LRRC1: variants seen among roughly 807,000 people sequenced by gnomAD.
LRRC1 encodes leucine-rich repeat-containing protein 1.
Under a neutral mutation model 69.9 loss-of-function variants are expected in LRRC1, and 28 were observed. That is an observed-to-expected ratio of 0.40 (90% CI 0.30 to 0.55). LRRC1 has a LOEUF of 0.55. Ranked by LOEUF, LRRC1 falls within the 20% of genes least tolerant of loss-of-function variation. The pLI, the probability that LRRC1 is intolerant of heterozygous loss-of-function variation, is 0.47. For synonymous variants in LRRC1, 236 were observed against 240.2 expected, an observed-to-expected ratio of 0.98 and a Z score of 0.16; for missense variants, 498 against 609.0, an observed-to-expected ratio of 0.82 and a Z score of 1.92.
intron 12 of LRRC1, among the ~76,000 whole-genome samples, chr6:53,919,998 T>A (rs916755584): frequency 2.0e-5 from 3 of 152,260 alleles, no homozygotes; most frequent in Non-Finnish European, 4.4e-5. Context: ...GGATTAGTAT[T>A]AACACCACTG....
At chr6:53,870,869 A>G (rs908538151) in intron 2 of LRRC1, among the ~76,000 whole-genome samples, 2 of 152,200 alleles carry the variant, frequency 1.3e-5, no homozygotes, top group Non-Finnish European at 2.9e-5. Flanking sequence ...TAGGTTACAC[A>G]TATGAGTGAG....
intron 10 of LRRC1, among the ~76,000 whole-genome samples, chr6:53,910,334 T>C (rs1174178655): frequency 6.6e-6 from 1 of 152,208 alleles, no homozygotes; most frequent in Non-Finnish European, 1.5e-5. Flanking sequence ...AACTTCTAAG[T>C]GATACATTTT....
At chr6:53,851,173 GACACACACACACACAC>G (rs3222575) in intron 2 of LRRC1, among the ~76,000 whole-genome samples, 2 of 144,700 alleles carry the variant, frequency 1.4e-5, no homozygotes, top group African/African-American at 5.1e-5. Flanking sequence ...GAACTAATAG[GACACACACACACACAC>G]ACACACACAC....
At chr6:53,921,333 C>T in intron 13 of LRRC1, among the ~76,000 whole-genome samples, 1 of 152,122 alleles carries the variant, frequency 6.6e-6, no homozygotes. Flanking sequence ...GTTTCCCCTC[C>T]CACTCCCACT....
chr6:53,868,698 G>A (rs1275475726), intron 2 of LRRC1, among the ~76,000 whole-genome samples: 1 of 152,156 alleles, frequency 6.6e-6, no homozygotes, highest in Non-Finnish European at 1.5e-5. Flanking sequence ...GGAACTCCTT[G>A]TCTAGCAGAT....
intron 1 of LRRC1, among the ~76,000 whole-genome samples, chr6:53,837,094 G>A (rs1159468582): frequency 6.6e-6 from 1 of 151,972 alleles, no homozygotes; most frequent in African/African-American, 2.4e-5. Flanking sequence ...TTGTAATAAT[G>A]TATAATACCT....
chr6:53,867,743 C>A (rs967797066), intron 2 of LRRC1, among the ~76,000 whole-genome samples: 1 of 151,826 alleles, frequency 6.6e-6, no homozygotes, highest in Non-Finnish European at 1.5e-5. Context: ...TTGCTTGAGC[C>A]CAGGAGTTTG....
Position 53,797,344 on chromosome 6 carries a change from G to A in LRRC1, c.159+1929G>A, listed in dbSNP as rs184998428. 3.1e-3 allele frequency among the ~76,000 whole-genome samples: 466 copies of A among 152,220 alleles called. 5 individuals are homozygous for A. Among genetic ancestry groups the A allele is most frequent in the African/African-American group, 0.011 (440 of 41,546 alleles). On this transcript the variant is annotated intron_variant, in intron 1 of 13. Transcript: ENST00000370888. ...TAACAGCTGTTAAATTAGTATTAAA[G>A]TTTTTAGGTTGTGTAAAATCTACTT...
At chr6:53,892,009 TATACACACAC>T (rs1767717060) in intron 4 of LRRC1, among the ~76,000 whole-genome samples, 1 of 74,644 alleles carries the variant, frequency 1.3e-5, no homozygotes, top group Admixed American at 1.7e-4. Flanking sequence ...AATATATATA[TATACACACAC>T]ACACACACAC....
chr6:53,901,831 A>G (rs969928047), intron 8 of LRRC1, among the ~76,000 whole-genome samples: 5 of 152,232 alleles, frequency 3.3e-5, no homozygotes, highest in South Asian at 2.1e-4. Flanking sequence ...TCCTTCTCCT[A>G]TCTTGCCCTG....
chr6:53,799,437 G>A, intron 1 of LRRC1, among the ~76,000 whole-genome samples: 1 of 152,196 alleles, frequency 6.6e-6, no homozygotes, highest in East Asian at 1.9e-4. Context: ...GGGTAGATGG[G>A]CCCTGTTTCT....
At chr6:53,802,973 C>G (rs1764529580) in intron 1 of LRRC1, among the ~76,000 whole-genome samples, 1 of 152,114 alleles carries the variant, frequency 6.6e-6, no homozygotes, top group Non-Finnish European at 1.5e-5. Context: ...TATGGTAAAA[C>G]AGCAAAATGA....
intron 1 of LRRC1, among the ~76,000 whole-genome samples, chr6:53,814,822 C>A (rs1302726386): frequency 6.6e-6 from 1 of 151,916 alleles, no homozygotes; most frequent in African/African-American, 2.4e-5. Flanking sequence ...CTTTCTGGGC[C>A]CTTTGAGCTC....
intron 11 of LRRC1, chr6:53,918,959 G>A (rs1768652364): frequency 6.6e-6 from 1 of 152,210 alleles, no homozygotes; most frequent in African/African-American, 2.4e-5. Flanking sequence ...GAAAGCAAAT[G>A]GAGTCCATCC....
intron 1 of LRRC1, among the ~76,000 whole-genome samples, chr6:53,797,235 A>G (rs573260955): frequency 6.6e-6 from 1 of 152,264 alleles, no homozygotes; most frequent in South Asian, 2.1e-4. Context: ...CTCAAAATAT[A>G]GTCTGATGGC....
At chr6:53,800,323 C>T (rs147142265) in intron 1 of LRRC1, among the ~76,000 whole-genome samples, 224 of 143,580 alleles carry the variant, frequency 1.6e-3, no homozygotes, top group African/African-American at 5.5e-3. Context: ...GCGATCTCAG[C>T]TCACTGCAAC....
intron 1 of LRRC1, among the ~76,000 whole-genome samples, chr6:53,806,528 G>A (rs1021171386): frequency 6.6e-5 from 10 of 152,108 alleles, no homozygotes; most frequent in South Asian, 2.1e-4. Flanking sequence ...GACCTTGGGC[G>A]GATCACATAC....
chr6:53,915,490 AG>A (rs1421194538), intron 11 of LRRC1, among the ~76,000 whole-genome samples: 5 of 152,190 alleles, frequency 3.3e-5, no homozygotes, highest in Non-Finnish European at 7.3e-5. Context: ...CAGCTTGAGA[AG>A]GGTACTTCTT....
At position 53,899,852 on chromosome 6, in the gene LRRC1, A is replaced by G. The variant is rs200111023; in HGVS notation, c.748A>G (p.Ile250Val). Reference sequence around the variant, plus strand: ...CCTGACTTCATTAACGGATTTAGTCATTTCCCAGAACTTATTAGAAACGAT... The same window carrying G: ...CCTGACTTCATTAACGGATTTAGTCGTTTCCCAGAACTTATTAGAAACGAT... ...SGLTSLTDLVISQNLLETIPD... is the reference protein window; with the variant it reads ...SGLTSLTDLVVSQNLLETIPD... Residue 250 changes from isoleucine (I) to valine (V), a missense_variant, in exon 8 of 14, where the codon ATT (isoleucine) becomes GTT (valine). Ile to Val is a conservative substitution (Grantham distance 29, BLOSUM62 3). Transcript: ENST00000370888. The G allele has an allele frequency of 1.2e-4, 189 of 1,613,950 alleles. No homozygotes were observed. The highest frequency in any genetic ancestry group is 1.1e-4 in the Non-Finnish European group (127 of 1,180,000).
Sources: gnomAD v4.1 joint callset for allele counts (sites outside exome capture counted in the v4.1 genomes callset) on GRCh38, gnomAD v4.1.1 for gene constraint, MANE v1.5 for transcripts, NCBI Gene and HGNC (gene_info 2026-07-23, HGNC 2026-07-21) for gene names.